The following PIK3C2G variants were observed in gnomAD, a reference collection of about 807,000 sequenced individuals.
PIK3C2G encodes the protein phosphatidylinositol 3-kinase C2 domain-containing subunit gamma.
A neutral mutation model predicts 181.1 loss-of-function variants in PIK3C2G; 168 were observed. That is an observed-to-expected ratio of 0.93 (90% CI 0.82 to 1.05). The LOEUF is 1.05. PIK3C2G is among the 50% of genes least tolerant of loss of function. The pLI, the probability that PIK3C2G is intolerant of heterozygous loss-of-function variation, is 0.00. For missense variants in PIK3C2G, 1,869 were observed against 1,732.8 expected (o/e 1.08, Z -1.40); for synonymous variants, 573 against 592.2 (o/e 0.97, Z 0.47).
intron 12 of PIK3C2G, among the ~76,000 whole-genome samples, chr12:18,365,766 C>T (rs892553791): frequency 6.6e-6 from 1 of 152,146 alleles, no homozygotes; most frequent in African/African-American, 2.4e-5. Flanking sequence ...ACCCAGCCAT[C>T]AGTCACAAAC....
chr12:18,248,806 G>A (rs1007331360), intron 1 of PIK3C2G, among the ~76,000 whole-genome samples: 3 of 152,170 alleles, frequency 2.0e-5, no homozygotes, highest in Non-Finnish European at 4.4e-5. Context: ...ACATAAATGT[G>A]TTTTATTGGC....
In PIK3C2G at chr12:18,491,438, T is replaced by C; in HGVS notation, c.2686-13T>C. 1.5e-6 allele frequency: 2 copies of C among 1,330,362 alleles called. No individual in the cohort carries two copies. The highest frequency in any genetic ancestry group is 1.2e-5 in the South Asian group (1 of 80,602). The allele number at this position is 1,330,362 out of a possible 1,614,324, so 82.4% of individuals were successfully genotyped here. On this transcript the variant is annotated splice_polypyrimidine_tract_variant and intron_variant, in intron 19 of 32. Coordinates refer to ENST00000538779, the MANE Select transcript of PIK3C2G (RefSeq NM_001288772.2). ...ACATTTTCTTAAATCCTTTTTCTAA[T>C]GATTTTTCACAGGAGGTACTGAAGA...
intron 9 of PIK3C2G, among the ~76,000 whole-genome samples, chr12:18,340,487 G>A (rs941022879): frequency 1.3e-5 from 2 of 152,104 alleles, no homozygotes; most frequent in African/African-American, 4.8e-5. Context: ...GCAATTATAT[G>A]ATGCTGAAAA....
chr12:18,553,829 T>C (rs75866876), intron 26 of PIK3C2G, among the ~76,000 whole-genome samples: 6,806 of 152,196 alleles, frequency 0.045, 341 homozygotes, highest in African/African-American at 0.13. Flanking sequence ...CTTTGTATAG[T>C]TTGCTACCTT....
chr12:18,303,115 C>CTTTCTTTCTTTCTTT (rs1950253330), intron 5 of PIK3C2G, among the ~76,000 whole-genome samples: 1 of 136,604 alleles, frequency 7.3e-6, no homozygotes, highest in Non-Finnish European at 1.6e-5. Context: ...TCTTTCTTTC[C>CTTTCTTTCTTTCTTT]TTCTTTCTTT....
At chr12:18,582,024 G>T (rs1411379038) in intron 29 of PIK3C2G, among the ~76,000 whole-genome samples, 1 of 152,156 alleles carries the variant, frequency 6.6e-6, no homozygotes, top group African/African-American at 2.4e-5. Flanking sequence ...GCTACTGATG[G>T]TCAAAAATTG....
intron 1 of PIK3C2G, among the ~76,000 whole-genome samples, chr12:18,248,234 T>G (rs1423314976): frequency 6.6e-6 from 1 of 152,298 alleles, no homozygotes; most frequent in East Asian, 1.9e-4. Context: ...TAAACCAATT[T>G]GCAACTAAAA....
Position 18,381,748 on chromosome 12 carries a change from G to C in PIK3C2G, c.1881-18G>C. 1 of 1,359,980 alleles carries C rather than the reference G, an allele frequency of 7.4e-7. No homozygotes were observed. Among genetic ancestry groups the C allele is most frequent in the East Asian group, 2.3e-5 (1 of 43,626 alleles). 84.2% of individuals were successfully genotyped at this position (1,359,980 alleles called of 1,614,324 possible). ...TGAAGTGACTCCTGTCTGTGTGTGTGTGTGTTGTCTTTTGCAGAAAATCCA... is the reference window on the plus strand; with the variant it reads ...TGAAGTGACTCCTGTCTGTGTGTGTCTGTGTTGTCTTTTGCAGAAAATCCA... On this transcript the variant is annotated intron_variant, in intron 13 of 32. Transcript: ENST00000538779.
intron 6 of PIK3C2G, among the ~76,000 whole-genome samples, chr12:18,315,677 G>A (rs572688124): frequency 1.6e-4 from 24 of 151,984 alleles, no homozygotes; most frequent in African/African-American, 4.6e-4. Flanking sequence ...ATAAGGAAAC[G>A]GAATCACAGG....
At chr12:18,624,552 A>G (rs555751239) in intron 31 of PIK3C2G, among the ~76,000 whole-genome samples, 3 of 151,666 alleles carry the variant, frequency 2.0e-5, no homozygotes, top group Non-Finnish European at 3.0e-5. Flanking sequence ...CTGGTCTTGT[A>G]AAAAGAGTTT....
chr12:18,611,741 CA>C (rs905115233), intron 31 of PIK3C2G, among the ~76,000 whole-genome samples: 5 of 152,168 alleles, frequency 3.3e-5, no homozygotes, highest in African/African-American at 1.2e-4. Flanking sequence ...TCTCCTTCCC[CA>C]CAAGCTACAT....
chr12:18,388,087 T>C (rs1943291507), intron 14 of PIK3C2G, among the ~76,000 whole-genome samples: 1 of 152,150 alleles, frequency 6.6e-6, no homozygotes, highest in African/African-American at 2.4e-5. Context: ...TAGAACACAT[T>C]GTATTTTTAT....
Position 18,505,393 on chromosome 12 carries a change from G to A in PIK3C2G, c.3255G>A (p.Ser1085=), listed in dbSNP as rs370666631. Reference sequence around the variant, plus strand: ...ATGATAATATCATGCTGACAAAGTCGGGCCACATGTTTCATATTGACTTTG... The same window carrying A: ...ATGATAATATCATGCTGACAAAGTCAGGCCACATGTTTCATATTGACTTTG... ...RHNDNIMLTK[S]GHMFHIDFGK... The change falls in exon 24 of 33, where the codon TCG becomes TCA. Residue 1085 remains serine (S), a synonymous_variant. Transcript: ENST00000538779. The A allele has an allele frequency of 2.2e-4, 348 of 1,613,126 alleles. No homozygotes were observed. The highest frequency in any genetic ancestry group is 2.4e-4 in the Non-Finnish European group (278 of 1,179,578).
chr12:18,631,244 T>C (rs1028419130), intron 31 of PIK3C2G, among the ~76,000 whole-genome samples: 1 of 152,128 alleles, frequency 6.6e-6, no homozygotes, highest in Non-Finnish European at 1.5e-5. Context: ...TCTTAAAGAT[T>C]TGAAAAATCA....
chr12:18,380,208 C>T (rs1002898849), intron 13 of PIK3C2G, among the ~76,000 whole-genome samples: 9 of 152,174 alleles, frequency 5.9e-5, no homozygotes, highest in Non-Finnish European at 1.3e-4. Flanking sequence ...TTACTCAGGT[C>T]CTTCTTTCTC....
At chr12:18,449,571 T>G (rs1947233165) in intron 18 of PIK3C2G, among the ~76,000 whole-genome samples, 1 of 152,068 alleles carries the variant, frequency 6.6e-6, no homozygotes, top group African/African-American at 2.4e-5. Flanking sequence ...TGTTCCTGAG[T>G]TAGTTTGCTG....
chr12:18,662,538 T>C, the PIK3C2G span, among the ~76,000 whole-genome samples: 1 of 152,264 alleles, frequency 6.6e-6, no homozygotes, highest in East Asian at 1.9e-4. Flanking sequence ...AGATCCACAG[T>C]AAAGGTAAAT....
chr12:18,354,701 A>T (rs1303994516), intron 11 of PIK3C2G, among the ~76,000 whole-genome samples: 1 of 152,194 alleles, frequency 6.6e-6, no homozygotes, highest in East Asian at 1.9e-4. Flanking sequence ...TTTTTCCTCC[A>T]GATTTGGAGG....
chr12:18,393,272 C>T (rs1017346330), intron 15 of PIK3C2G, among the ~76,000 whole-genome samples: 4 of 151,978 alleles, frequency 2.6e-5, no homozygotes, highest in Admixed American at 2.6e-4. Context: ...CTGTTTCACC[C>T]ACTCAAATAA....
Sources: allele counts gnomAD v4.1 joint callset (sites outside exome capture counted in the v4.1 genomes callset), GRCh38; gene constraint gnomAD v4.1.1; transcripts MANE v1.5; gene names NCBI Gene and HGNC (gene_info 2026-07-23, HGNC 2026-07-21).